Variants in SPAST observed in about 807,000 individuals in gnomAD.
SPAST encodes spastin.
In SPAST, 30 loss-of-function variants were observed where a neutral mutation model predicts 76.6. That is an observed-to-expected ratio of 0.39 (90% CI 0.29 to 0.53). The LOEUF (loss-of-function observed/expected upper bound fraction) is 0.53. Ranked by LOEUF, SPAST falls within the 20% of genes least tolerant of loss-of-function variation. SPAST has a pLI of 0.68. For missense variants in SPAST, 717 were observed against 770.5 expected, an observed-to-expected ratio of 0.93 and a Z score of 0.82; for synonymous variants, 305 against 281.0, an observed-to-expected ratio of 1.09 and a Z score of -0.86.
At position 32,087,589 on chromosome 2, in the gene SPAST, A is replaced by G. The variant is rs779516868; in HGVS notation, c.502+11A>G. 4.8e-5 allele frequency: 69 copies of G among 1,435,118 alleles called. 1 individual carries two copies. The highest frequency in any genetic ancestry group is 1.1e-5 in the Non-Finnish European group (11 of 1,022,764). The allele number at this position is 1,435,118 out of a possible 1,614,324, so 88.9% of individuals were successfully genotyped here. ...TAGTTACAGGACAAGGTAAGATTGT[A>G]TTTGTTTATAGCCATCCCAAATTAT... On this transcript the variant is annotated intron_variant, in intron 2 of 16. Coordinates refer to ENST00000315285, the MANE Select transcript of SPAST (RefSeq NM_014946.4).
chr2:32,147,930 C>CTTTTTT (rs71407420), intron 16 of SPAST, among the ~76,000 whole-genome samples: 1 of 116,460 alleles, frequency 8.6e-6, no homozygotes. Flanking sequence ...TGCGCCCGGC[C>CTTTTTT]TTTTTTTTTT....
chr2:32,147,103 T>C, intron 15 of SPAST, 115 bp from the exon 16 acceptor site: 2 of 694,926 alleles, frequency 2.9e-6, no homozygotes, highest in Admixed American at 2.3e-5. Flanking sequence ...TTTTTTTTAA[T>C]ATAATGATTT....
At chr2:32,115,034 C>T (rs1258833528) in intron 5 of SPAST, among the ~76,000 whole-genome samples, 2 of 150,628 alleles carry the variant, frequency 1.3e-5, no homozygotes, top group Non-Finnish European at 2.9e-5. Flanking sequence ...TTGCAACCTC[C>T]GCCTCCCAGG....
intron 16 of SPAST, among the ~76,000 whole-genome samples, chr2:32,153,562 C>G (rs915523432): frequency 6.6e-6 from 1 of 151,724 alleles, no homozygotes; most frequent in Non-Finnish European, 1.5e-5. Flanking sequence ...GTGATCCACC[C>G]GCCTTGGCCT....
In SPAST at chr2:32,147,278, T is replaced by A; in HGVS notation, c.1728+20T>A. On this transcript the variant is annotated intron_variant, in intron 16 of 16. Transcript: ENST00000315285. ...AGTGAGGTATAGTATTTTACAATGA[T>A]ATTTTCTTTGTCTTCTATATTGTAA... 1 of 1,547,640 alleles carries A rather than the reference T, an allele frequency of 6.5e-7. No homozygotes were observed. Among genetic ancestry groups the A allele is most frequent in the Non-Finnish European group, 8.9e-7 (1 of 1,120,264 alleles).
intron 16 of SPAST, 87 bp downstream of exon 16, chr2:32,147,345 G>GTTTTTTTTTTTTTTTTTTTTTTTTT (rs71407417): frequency 6.7e-6 from 1 of 148,266 alleles, no homozygotes; most frequent in African/African-American, 5.8e-5. Context: ...TGTGTGTGTG[G>GTTTTTTTTTTTTTTTTTTTTTTTTT]TTTTTTTTTT....
intron 9 of SPAST, among the ~76,000 whole-genome samples, chr2:32,134,140 A>G (rs1679458413): frequency 6.6e-6 from 1 of 152,036 alleles, no homozygotes; most frequent in Non-Finnish European, 1.5e-5. Flanking sequence ...GGCTCAAGTG[A>G]TCCTCCCACC....
At position 32,064,210 on chromosome 2, in the gene SPAST, A is replaced by C. The variant is rs1395313104; in HGVS notation, c.379A>C (p.Ile127Leu). 6.5e-7 allele frequency: 1 copy of C among 1,546,306 alleles called. No individual in the cohort carries two copies. Among genetic ancestry groups the C allele is most frequent in the South Asian group, 1.2e-5 (1 of 84,272 alleles). The change falls in exon 1 of 17, where the codon ATC (isoleucine) becomes CTC (leucine). Residue 127 changes from isoleucine to leucine, a missense_variant. This residue lies in a region of SPAST where 543 missense variants were observed against 445.2 expected (regional missense o/e 1.22). Coordinates refer to ENST00000315285, the MANE Select transcript of SPAST (RefSeq NM_014946.4). ...RVFHKQAFEYISIALRIDEDE... is the reference protein window; with the variant it reads ...RVFHKQAFEYLSIALRIDEDE... ...CTTCCACAAACAGGCCTTCGAGTAC[A>C]TCTCCATTGCCCTGCGCATCGATGA... is the stretch of plus-strand genomic sequence containing the variant.
At chr2:32,148,280 G>A (rs914954219) in intron 16 of SPAST, among the ~76,000 whole-genome samples, 3 of 151,942 alleles carry the variant, frequency 2.0e-5, no homozygotes, top group Admixed American at 2.0e-4. Flanking sequence ...TCAAAATATG[G>A]AAACCTATGA....
intron 1 of SPAST, among the ~76,000 whole-genome samples, chr2:32,069,822 G>A (rs982012074): frequency 6.6e-6 from 1 of 152,078 alleles, no homozygotes; most frequent in Admixed American, 6.6e-5. Flanking sequence ...GCCTCCCAAA[G>A]TGTTGGGATT....
At chr2:32,091,759 A>C (rs903619147) in intron 3 of SPAST, among the ~76,000 whole-genome samples, 1 of 151,744 alleles carries the variant, frequency 6.6e-6, no homozygotes, top group African/African-American at 2.4e-5. Context: ...GCATGAACCC[A>C]GGAGGCGGAG....
chr2:32,118,630 T>A (rs4952250), intron 7 of SPAST, among the ~76,000 whole-genome samples: 2 of 151,972 alleles, frequency 1.3e-5, no homozygotes, highest in East Asian at 1.9e-4. Context: ...AGCAGTCTTC[T>A]GATCGATTCA....
At chr2:32,108,648 C>T (rs918202673) in intron 4 of SPAST, among the ~76,000 whole-genome samples, 38 of 151,264 alleles carry the variant, frequency 2.5e-4, no homozygotes, top group African/African-American at 9.0e-4. Context: ...ATGGGGTTTC[C>T]CCATGTTGGC....
At chr2:32,069,002 A>AAGTTCGCGACCAT (rs1351882764) in intron 1 of SPAST, among the ~76,000 whole-genome samples, 1 of 152,002 alleles carries the variant, frequency 6.6e-6, no homozygotes, top group African/African-American at 2.4e-5. Flanking sequence ...TTGTAGTCAG[A>AAGTTCGCGACCAT]AGTTCGCGAC....
At chr2:32,086,772 AAAAG>A (rs1677498850) in intron 1 of SPAST, among the ~76,000 whole-genome samples, 1 of 152,276 alleles carries the variant, frequency 6.6e-6, no homozygotes, top group Non-Finnish European at 1.5e-5. Flanking sequence ...AAAAAAGAAA[AAAAG>A]TCTAAGAAGT....
At chr2:32,122,060 G>A (rs1679039388) in intron 7 of SPAST, among the ~76,000 whole-genome samples, 1 of 151,976 alleles carries the variant, frequency 6.6e-6, no homozygotes, top group Non-Finnish European at 1.5e-5. Context: ...ACTCTGTGCT[G>A]TAAGTAAGTA....
chr2:32,114,597 ACAAT>A, intron 4 of SPAST, 37 bp from the exon 5 acceptor site: 1 of 1,516,646 alleles, frequency 6.6e-7, no homozygotes, highest in South Asian at 1.1e-5. Flanking sequence ...ATGTTCAGCT[ACAAT>A]TTTCTAATCA....
At chr2:32,075,974 C>T (rs1448794653) in intron 1 of SPAST, among the ~76,000 whole-genome samples, 1 of 136,014 alleles carries the variant, frequency 7.4e-6, no homozygotes, top group African/African-American at 2.8e-5. Flanking sequence ...GATCTCGGCT[C>T]ACTGCAACCT....
In SPAST at chr2:32,144,997, T is replaced by G. The variant is rs1260385530; in HGVS notation, c.1677T>G (p.Gly559=). ...CTTTGGCAAAAGATGCAGCACTGGG[T>G]CCTATCCGAGGTAGGTATACAAGAG... The part of the protein sequence containing the change: ...LTALAKDAAL[G]PIRELKPEQV... The change falls in exon 15 of 17, where the codon GGT becomes GGG. Residue 559 remains glycine (G), a synonymous_variant. Transcript: ENST00000315285. 1.9e-6 allele frequency: 3 copies of G among 1,610,800 alleles called. No individual in the cohort carries two copies. The South Asian group carries it at 3.3e-5, about 18-fold the overall frequency.
Sources: gnomAD v4.1 joint callset for allele counts (sites outside exome capture counted in the v4.1 genomes callset) on GRCh38, gnomAD v4.1.1 for gene constraint, gnomAD v4.1.1 regional missense constraint, MANE v1.5 for transcripts, NCBI Gene and HGNC (gene_info 2026-07-23, HGNC 2026-07-21) for gene names.